The following KIF16B variants were observed in gnomAD, a reference collection of about 807,000 sequenced individuals.
KIF16B encodes kinesin-like protein KIF16B.
KIF16B carries 98 observed loss-of-function variants against 156.3 expected under a neutral mutation model. That is an observed-to-expected ratio of 0.63 (90% CI 0.53 to 0.74). KIF16B has a LOEUF of 0.74. KIF16B is among the 30% of genes least tolerant of loss of function. The pLI is 0.00. For synonymous variants in KIF16B, 564 were observed against 583.7 expected (o/e 0.97, Z 0.49); for missense variants, 1,421 against 1,606.5 (o/e 0.88, Z 1.97).
At chr20:16,573,189 G>C (rs1238057209) in intron 1 of KIF16B, 40 bp downstream of exon 1, 5 of 1,533,882 alleles carry the variant, frequency 3.3e-6, no homozygotes, top group Non-Finnish European at 4.4e-6. Flanking sequence ...CTCTGGGTGG[G>C]GGCGCGACGA....
intron 3 of KIF16B, among the ~76,000 whole-genome samples, chr20:16,521,691 G>A (rs572997237): frequency 2.6e-5 from 4 of 152,186 alleles, no homozygotes; most frequent in African/African-American, 9.6e-5. Context: ...TACTCCTCGA[G>A]TAGAGCAAAA....
chr20:16,286,196 T>C (rs1267143339), intron 25 of KIF16B, among the ~76,000 whole-genome samples: 2 of 152,242 alleles, frequency 1.3e-5, no homozygotes, highest in African/African-American at 4.8e-5. Flanking sequence ...ATGAAGATTA[T>C]TACAAATAGC....
At chr20:16,401,298 T>C (rs1056176354) in intron 17 of KIF16B, among the ~76,000 whole-genome samples, 6 of 152,162 alleles carry the variant, frequency 3.9e-5, no homozygotes, top group African/African-American at 1.4e-4. Flanking sequence ...CATTTCAAGA[T>C]GAGGCCCTCT....
intron 17 of KIF16B, among the ~76,000 whole-genome samples, chr20:16,383,044 A>G (rs551830782): frequency 1.3e-5 from 2 of 152,110 alleles, no homozygotes; most frequent in Admixed American, 1.3e-4. Flanking sequence ...TCCAGGTTGG[A>G]GTGCAGTGGT....
Position 16,312,775 on chromosome 20 carries a change from C to CCT in KIF16B, c.3712-358_3712-357insAG, listed in dbSNP as rs566837672. Among the ~76,000 whole-genome samples, 6 of 145,482 alleles carry CCT rather than the reference C, an allele frequency of 4.1e-5. 1 individual carries two copies. The highest frequency in any genetic ancestry group is 3.4e-4 in the Admixed American group (5 of 14,656). On this transcript the variant is annotated intron_variant, in intron 24 of 25. Coordinates refer to ENST00000354981, the MANE Select transcript of KIF16B (RefSeq NM_024704.5). ...TTGTTCTTCTTTCAGTCCTCCCACC[C>CCT]TTTTTTTTTTTTTACTAGAATCCAA...
At chr20:16,377,434 A>AATAAATAAATAAATAAATAAATAG (rs2064981294) in intron 19 of KIF16B, among the ~76,000 whole-genome samples, 1 of 151,910 alleles carries the variant, frequency 6.6e-6, no homozygotes, top group African/African-American at 2.4e-5. Flanking sequence ...TAAATAAATA[A>AATAAATAAATAAATAAATAAATAG]ATAGCCAGGC....
chr20:16,307,374 G>A (rs2063556239), intron 25 of KIF16B, among the ~76,000 whole-genome samples: 1 of 152,154 alleles, frequency 6.6e-6, no homozygotes. Context: ...GCTAATTTGG[G>A]CAGATTTTCT....
intron 23 of KIF16B, among the ~76,000 whole-genome samples, chr20:16,344,247 G>A (rs984080901): frequency 5.3e-5 from 8 of 152,126 alleles, no homozygotes; most frequent in African/African-American, 1.9e-4. Context: ...TGTTGCAAAT[G>A]GTACTAAGCC....
chr20:16,364,386 A>G (rs944170543), intron 22 of KIF16B, among the ~76,000 whole-genome samples: 1 of 152,256 alleles, frequency 6.6e-6, no homozygotes, highest in African/African-American at 2.4e-5. Flanking sequence ...ACAATGCAGA[A>G]TGCCACATAA....
chr20:16,548,161 A>G (rs2147270796), intron 1 of KIF16B, among the ~76,000 whole-genome samples: 1 of 152,354 alleles, frequency 6.6e-6, no homozygotes. Flanking sequence ...CAGGTCTTCT[A>G]TTAAAGAACT....
At chr20:16,463,006 A>G (rs1025113803) in intron 12 of KIF16B, among the ~76,000 whole-genome samples, 3 of 152,202 alleles carry the variant, frequency 2.0e-5, no homozygotes, top group African/African-American at 7.2e-5. Context: ...TGCAAATGGC[A>G]CATCTAGTCC....
intron 12 of KIF16B, among the ~76,000 whole-genome samples, chr20:16,454,145 T>C (rs912306562): frequency 2.0e-5 from 3 of 152,148 alleles, no homozygotes; most frequent in African/African-American, 7.2e-5. Context: ...GGGGACATAC[T>C]GCTACGTGAA....
At chr20:16,357,884 C>G (rs2064474884) in intron 22 of KIF16B, among the ~76,000 whole-genome samples, 1 of 152,156 alleles carries the variant, frequency 6.6e-6, no homozygotes. Flanking sequence ...ATTTAGCTAT[C>G]CCTGATATCA....
At chr20:16,316,850 G>C (rs550993732) in intron 24 of KIF16B, among the ~76,000 whole-genome samples, 1 of 152,240 alleles carries the variant, frequency 6.6e-6, no homozygotes, top group African/African-American at 2.4e-5. Flanking sequence ...AATTTACCAA[G>C]ATCAAAAGAA....
chr20:16,451,510 G>C (rs921453841), intron 12 of KIF16B, among the ~76,000 whole-genome samples: 2 of 149,148 alleles, frequency 1.3e-5, no homozygotes, highest in African/African-American at 2.5e-5. Flanking sequence ...TTTGCATTAA[G>C]TTGAAATAAT....
At chr20:16,303,130 A>G (rs954515394) in intron 25 of KIF16B, among the ~76,000 whole-genome samples, 2 of 152,204 alleles carry the variant, frequency 1.3e-5, no homozygotes, top group African/African-American at 2.4e-5. Context: ...TGTATCAGGA[A>G]CCTATCCAAA....
intron 17 of KIF16B, among the ~76,000 whole-genome samples, chr20:16,400,627 T>C (rs1040326392): frequency 6.6e-6 from 1 of 152,136 alleles, no homozygotes; most frequent in Non-Finnish European, 1.5e-5. Flanking sequence ...CATCAACAGA[T>C]GAATGGATAA....
chr20:16,369,099 T>G, intron 22 of KIF16B: 2 of 985,862 alleles, frequency 2.0e-6, no homozygotes, highest in Non-Finnish European at 2.4e-6. Context: ...TTCTCTCTTG[T>G]GATGCTGAGG....
Position 16,356,414 on chromosome 20 carries a change from G to A in KIF16B, c.3537C>T (p.Asp1179=), listed in dbSNP as rs767299629. 2.5e-6 allele frequency: 4 copies of A among 1,614,114 alleles called. No homozygotes were observed. Among genetic ancestry groups the A allele is most frequent in the Non-Finnish European group, 3.4e-6 (4 of 1,179,992 alleles). The change falls in exon 23 of 26, where the codon GAC becomes GAT. Residue 1179 remains aspartate (D), a synonymous_variant. Transcript: ENST00000354981. The part of the protein sequence containing the change: ...VSRSLGANPD[D]LKDPIKISIP... Reference sequence around the variant, plus strand: ...TACTAATTTTAATTGGGTCCTTCAGGTCATCTGGATTTGCGCCCAAAGAGC... The same window carrying A: ...TACTAATTTTAATTGGGTCCTTCAGATCATCTGGATTTGCGCCCAAAGAGC...
Sources: allele counts gnomAD v4.1 joint callset (sites outside exome capture counted in the v4.1 genomes callset), GRCh38; gene constraint gnomAD v4.1.1; transcripts MANE v1.5; gene names NCBI Gene and HGNC (gene_info 2026-07-23, HGNC 2026-07-21).